The following ASTN1 variants were observed in gnomAD, a reference collection of about 807,000 sequenced individuals.
The protein encoded by ASTN1 is astrotactin-1.
In ASTN1, 41 loss-of-function variants were observed where a neutral mutation model predicts 140.7. The ratio of observed to expected loss-of-function variants is 0.29; its 90% confidence interval spans 0.23 to 0.38. The LOEUF (loss-of-function observed/expected upper bound fraction) is 0.38. Ranked by LOEUF, ASTN1 falls within the 10% of genes least tolerant of loss-of-function variation. The pLI, the probability that ASTN1 is intolerant of heterozygous loss-of-function variation, is 1.00. For missense variants in ASTN1, 1,479 were observed against 1,678.8 expected (o/e 0.88, Z 2.08); for synonymous variants, 640 against 652.2 (o/e 0.98, Z 0.29).
At chr1:177,117,063 C>A (rs1681124426) in intron 1 of ASTN1, among the ~76,000 whole-genome samples, 1 of 152,124 alleles carries the variant, frequency 6.6e-6, no homozygotes. Context: ...TTTTTCAAGG[C>A]ACCTAAGATT....
At chr1:176,953,137 GTC>G (rs1672262255) in intron 11 of ASTN1, among the ~76,000 whole-genome samples, 1 of 152,118 alleles carries the variant, frequency 6.6e-6, no homozygotes, top group Admixed American at 6.5e-5. Context: ...CCTTTTCTTT[GTC>G]ATCTTTCCCC....
At chr1:176,903,966 C>A (rs936868997) in intron 16 of ASTN1, among the ~76,000 whole-genome samples, 1 of 152,204 alleles carries the variant, frequency 6.6e-6, no homozygotes. Context: ...AGTTATCACG[C>A]GGCTTTCTTT....
At chr1:176,869,306 G>T (rs755347936) in intron 21 of ASTN1, among the ~76,000 whole-genome samples, 12 of 152,092 alleles carry the variant, frequency 7.9e-5, no homozygotes, top group Non-Finnish European at 1.8e-4. Flanking sequence ...CCTGAAGAAA[G>T]TGATTTGAGT....
chr1:177,081,090 C>A (rs980979676), intron 1 of ASTN1, among the ~76,000 whole-genome samples: 1 of 152,080 alleles, frequency 6.6e-6, no homozygotes, highest in African/African-American at 2.4e-5. Flanking sequence ...ACATTTCAAC[C>A]TGAAAACAAG....
Position 176,957,688 on chromosome 1 carries a change from G to C in ASTN1, c.1877C>G (p.Thr626Ser). ...RCISDRKLDS[T>S]GCVCPSGLSP... ...GCAGGGCAGACCTACCACGCAACCAGTGGAGTCCAGCTTGCGATCTGAAAT... is the reference window on the plus strand; with the variant it reads ...GCAGGGCAGACCTACCACGCAACCACTGGAGTCCAGCTTGCGATCTGAAAT... The change falls in exon 11 of 23, where the codon ACT (threonine) becomes AGT (serine). Residue 626 changes from threonine (T) to serine (S), a missense_variant. Thr to Ser is a moderately conservative substitution (Grantham distance 58, BLOSUM62 1). This residue lies in a region of ASTN1 where 729 missense variants were observed against 860.4 expected (regional missense o/e 0.85). Transcript: ENST00000361833. 1 of 1,614,016 alleles carries C rather than the reference G, an allele frequency of 6.2e-7. No homozygotes were observed. Among genetic ancestry groups the C allele is most frequent in the Non-Finnish European group, 8.5e-7 (1 of 1,179,964 alleles).
At chr1:177,027,978 T>C (rs889239876) in intron 5 of ASTN1, among the ~76,000 whole-genome samples, 1 of 152,128 alleles carries the variant, frequency 6.6e-6, no homozygotes, top group Non-Finnish European at 1.5e-5. Context: ...AAAATGTTTT[T>C]GCTGCACTGA....
In ASTN1 at chr1:176,917,982, G is replaced by A. The variant is rs531955280; in HGVS notation, c.2671+16170C>T. Among the ~76,000 whole-genome samples, 3 of 152,200 alleles carry A rather than the reference G, an allele frequency of 2.0e-5. No individual in the cohort carries two copies. The South Asian group carries it at 6.2e-4, about 32-fold the overall frequency. On this transcript the variant is annotated intron_variant, in intron 16 of 22. Coordinates refer to ENST00000361833, the MANE Select transcript of ASTN1 (RefSeq NM_004319.3). Reference sequence around the variant, plus strand: ...ATTTCCATCATCATTATTTCTCAGAGCTTTTGCAGTTATAGTACTTTATTA... The same window carrying A: ...ATTTCCATCATCATTATTTCTCAGAACTTTTGCAGTTATAGTACTTTATTA...
chr1:177,113,462 C>A (rs575576547), intron 1 of ASTN1, among the ~76,000 whole-genome samples: 2 of 152,344 alleles, frequency 1.3e-5, no homozygotes, highest in African/African-American at 2.4e-5. Context: ...GTCCTCAATA[C>A]TGTCATCCCC....
chr1:176,944,967 T>G (rs1284900589), intron 13 of ASTN1, among the ~76,000 whole-genome samples: 1 of 152,122 alleles, frequency 6.6e-6, no homozygotes, highest in Non-Finnish European at 1.5e-5. Context: ...TGACTATCAG[T>G]TTGCTCATGA....
chr1:176,983,343 C>T (rs1673721399), intron 8 of ASTN1, among the ~76,000 whole-genome samples: 1 of 152,108 alleles, frequency 6.6e-6, no homozygotes, highest in South Asian at 2.1e-4. Flanking sequence ...CAGCCACAGC[C>T]TCCCCCTGAA....
At chr1:176,900,886 A>G (rs974989450) in intron 16 of ASTN1, among the ~76,000 whole-genome samples, 2 of 152,224 alleles carry the variant, frequency 1.3e-5, no homozygotes, top group African/African-American at 4.8e-5. Flanking sequence ...GGACAAAATT[A>G]TGCCTTGTTC....
intron 1 of ASTN1, among the ~76,000 whole-genome samples, chr1:177,064,260 T>TA (rs1678238165): frequency 6.6e-6 from 1 of 152,214 alleles, no homozygotes. Flanking sequence ...TGCTGCAGTC[T>TA]TTTAAGTTTT....
At chr1:177,017,633 T>C (rs1675624908) in intron 7 of ASTN1, among the ~76,000 whole-genome samples, 2 of 152,234 alleles carry the variant, frequency 1.3e-5, no homozygotes, top group African/African-American at 4.8e-5. Context: ...GCCGACTCCA[T>C]GGTGGTGTAC....
At chr1:176,897,159 C>T (rs1312527531) in intron 16 of ASTN1, among the ~76,000 whole-genome samples, 2 of 151,282 alleles carry the variant, frequency 1.3e-5, no homozygotes, top group Non-Finnish European at 2.9e-5. Context: ...CCTGTAATCC[C>T]AGCTACTCGG....
At position 176,888,166 on chromosome 1, in the gene ASTN1, T is replaced by G. The variant is rs200763772; in HGVS notation, c.2979A>C (p.Ser993=). 1.2e-6 allele frequency: 2 copies of G among 1,614,094 alleles called. No individual in the cohort carries two copies. Among genetic ancestry groups the G allele is most frequent in the Middle Eastern group, 1.7e-4 (1 of 6,048 alleles). Reference sequence around the variant, plus strand: ...AGTCCTCGATGACATCTCCAGTCCCTGAGCACCAGAGAGAGCTCATGGTAG... The same window carrying G: ...AGTCCTCGATGACATCTCCAGTCCCGGAGCACCAGAGAGAGCTCATGGTAG... The part of the protein sequence containing the change: ...QEATMSSLWC[S]GTGDVIEDWC... The change falls in exon 18 of 23, where the codon TCA becomes TCC. Residue 993 remains serine (S), a synonymous_variant. Transcript: ENST00000361833.
intron 1 of ASTN1, among the ~76,000 whole-genome samples, chr1:177,110,470 C>T (rs1346511094): frequency 6.6e-6 from 1 of 152,110 alleles, no homozygotes; most frequent in Non-Finnish European, 1.5e-5. Flanking sequence ...ATGCCTGTGT[C>T]CCTGACACAC....
intron 14 of ASTN1, 118 bp from the exon 15 acceptor site, chr1:176,936,488 T>C: frequency 1.3e-6 from 1 of 761,836 alleles, no homozygotes; most frequent in Non-Finnish European, 2.1e-6. Context: ...GATTAAATGT[T>C]CTTTGATGAA....
intron 1 of ASTN1, among the ~76,000 whole-genome samples, chr1:177,064,043 C>T (rs893661247): frequency 1.8e-4 from 27 of 152,152 alleles, no homozygotes; most frequent in African/African-American, 5.8e-4. Flanking sequence ...GTAGGTCAGG[C>T]TTATTACCTC....
chr1:176,934,136 C>T lies in ASTN1; in HGVS notation c.2671+16G>A, dbSNP rs1389702043. 5 of 1,592,598 alleles carry T rather than the reference C, an allele frequency of 3.1e-6. No homozygotes were observed. The highest frequency in any genetic ancestry group is 3.4e-6 in the Non-Finnish European group (4 of 1,163,220). On this transcript the variant is annotated intron_variant, in intron 16 of 22. Transcript: ENST00000361833. Reference sequence around the variant, plus strand: ...TGGCATGAGGTATGGAATTTGCCAACAAGCATGCCACTCACCTTTACTGAT... The same window carrying T: ...TGGCATGAGGTATGGAATTTGCCAATAAGCATGCCACTCACCTTTACTGAT...
Sources: gnomAD v4.1 joint callset for allele counts (sites outside exome capture counted in the v4.1 genomes callset) on GRCh38, gnomAD v4.1.1 for gene constraint, gnomAD v4.1.1 regional missense constraint, MANE v1.5 for transcripts, NCBI Gene and HGNC (gene_info 2026-07-23, HGNC 2026-07-21) for gene names.